Variants in GPC6 observed in about 807,000 individuals in gnomAD.
GPC6 encodes glypican 6.
GPC6 carries 14 observed loss-of-function variants against 55.2 expected under a neutral mutation model. That is an observed-to-expected ratio of 0.25 (90% confidence interval 0.17 to 0.40). The LOEUF (loss-of-function observed/expected upper bound fraction) is 0.40, where lower values mean the gene tolerates loss of function less well. GPC6 is among the 10% of genes least tolerant of loss of function. GPC6 has a pLI of 1.00. For missense variants in GPC6, 641 were observed against 708.5 expected (o/e 0.90, Z 1.08); for synonymous variants, 278 against 259.6 (o/e 1.07, Z -0.68).
intron 3 of GPC6, among the ~76,000 whole-genome samples, chr13:93,983,013 C>T (rs1880873854): frequency 6.6e-6 from 1 of 152,110 alleles, no homozygotes; most frequent in African/African-American, 2.4e-5. Context: ...CTAGTCTGGG[C>T]TGAGGCTGGA....
At position 93,695,750 on chromosome 13, in the gene GPC6, C is replaced by T. The variant is rs148059568; in HGVS notation, c.320-134404C>T. 3.0e-3 allele frequency among the ~76,000 whole-genome samples: 451 copies of T among 152,164 alleles called. 1 individual carries two copies. Among genetic ancestry groups the T allele is most frequent in the African/African-American group, 0.01 (426 of 41,556 alleles). On this transcript the variant is annotated intron_variant, in intron 2 of 8. Coordinates refer to ENST00000377047, the MANE Select transcript of GPC6 (RefSeq NM_005708.5). Reference sequence around the variant, plus strand: ...GGTAATCAACTCAAGCTTTTTCAAGCTATGTCAAAAATGATGAGCTCAAAG... The same window carrying T: ...GGTAATCAACTCAAGCTTTTTCAAGTTATGTCAAAAATGATGAGCTCAAAG...
intron 3 of GPC6, among the ~76,000 whole-genome samples, chr13:93,994,643 G>T (rs1175405786): frequency 6.6e-6 from 1 of 152,148 alleles, no homozygotes; most frequent in Non-Finnish European, 1.5e-5. Flanking sequence ...TGTTAGTGCT[G>T]TGACTGAAGA....
intron 3 of GPC6, among the ~76,000 whole-genome samples, chr13:93,945,065 T>G (rs1224281019): frequency 6.6e-6 from 1 of 152,132 alleles, no homozygotes; most frequent in Non-Finnish European, 1.5e-5. Flanking sequence ...GTGGGTTGAT[T>G]TTTTTTCCTA....
rs9888538 is a variant in GPC6, at chr13:94,082,651, C to T, written c.877+54757C>T. On this transcript the variant is annotated intron_variant, in intron 4 of 8. Transcript: ENST00000377047. ...TCAGTCAGCTCTCCCCTCTTCTGCCCTACTACATGCCTTTTCTCACATTTT... is the reference window on the plus strand; with the variant it reads ...TCAGTCAGCTCTCCCCTCTTCTGCCTTACTACATGCCTTTTCTCACATTTT... Among the ~76,000 whole-genome samples the T allele has an allele frequency of 8.3e-3, 1,256 of 152,232 alleles. 21 individuals are homozygous for T. Among genetic ancestry groups the T allele is most frequent in the African/African-American group, 0.028 (1,153 of 41,522 alleles).
At chr13:93,444,293 A>G (rs905064521) in intron 1 of GPC6, among the ~76,000 whole-genome samples, 2 of 150,032 alleles carry the variant, frequency 1.3e-5, no homozygotes, top group South Asian at 4.2e-4. Context: ...TTATTAAGAG[A>G]CAAGAAATTG....
intron 2 of GPC6, among the ~76,000 whole-genome samples, chr13:93,717,962 A>G (rs1594397263): frequency 6.6e-6 from 1 of 151,934 alleles, no homozygotes; most frequent in African/African-American, 2.4e-5. Flanking sequence ...ATGGCTGCAT[A>G]GTATTCCATG....
intron 2 of GPC6, among the ~76,000 whole-genome samples, chr13:93,652,303 CA>C (rs1002421012): frequency 4.6e-5 from 7 of 152,160 alleles, no homozygotes; most frequent in African/African-American, 1.7e-4. Context: ...CATGTTAATG[CA>C]TAGAACTCAA....
At chr13:93,435,505 T>A (rs1448198253) in intron 1 of GPC6, among the ~76,000 whole-genome samples, 1 of 152,130 alleles carries the variant, frequency 6.6e-6, no homozygotes, top group Non-Finnish European at 1.5e-5. Flanking sequence ...GTTTTGTTTG[T>A]AAAATCAGAT....
rs1373168792 is a variant in GPC6 at position 93,497,287 on chromosome 13, T to G, written c.161-47976T>G. On this transcript the variant is annotated intron_variant, in intron 1 of 8. Coordinates refer to ENST00000377047, the MANE Select transcript of GPC6 (RefSeq NM_005708.5). ...AGCTAAAGTAACACCACTTTCTTTATCATAAGGTGATGAGACTTGTCACCC... is the reference window on the plus strand; with the variant it reads ...AGCTAAAGTAACACCACTTTCTTTAGCATAAGGTGATGAGACTTGTCACCC... Among the ~76,000 whole-genome samples, 37 of 152,238 alleles carry G rather than the reference T, an allele frequency of 2.4e-4. 1 individual carries two copies. The highest frequency in any genetic ancestry group is 2.4e-3 in the Admixed American group (37 of 15,282).
At chr13:93,426,098 C>T (rs868492204) in intron 1 of GPC6, among the ~76,000 whole-genome samples, 2 of 152,148 alleles carry the variant, frequency 1.3e-5, no homozygotes, top group African/African-American at 4.8e-5. Context: ...ACATGTCTGT[C>T]TCCTAATAGG....
intron 4 of GPC6, among the ~76,000 whole-genome samples, chr13:94,209,284 C>G (rs992384047): frequency 6.6e-6 from 1 of 152,114 alleles, no homozygotes; most frequent in Non-Finnish European, 1.5e-5. Flanking sequence ...GTGGCTGCCT[C>G]TAGTACTTGG....
chr13:93,573,025 T>G (rs944119160), intron 2 of GPC6, among the ~76,000 whole-genome samples: 9 of 151,920 alleles, frequency 5.9e-5, no homozygotes, highest in African/African-American at 2.2e-4. Flanking sequence ...GGGGAAAAGG[T>G]TAGAGTATTT....
chr13:93,960,873 C>T (rs986324048), intron 3 of GPC6, among the ~76,000 whole-genome samples: 3 of 143,738 alleles, frequency 2.1e-5, no homozygotes, highest in Admixed American at 7.3e-5. Context: ...AGTGCAGTGG[C>T]GCAATCTCGA....
intron 4 of GPC6, among the ~76,000 whole-genome samples, chr13:94,037,956 T>C (rs568712695): frequency 1.3e-5 from 2 of 152,092 alleles, no homozygotes; most frequent in East Asian, 3.9e-4. Flanking sequence ...GCAACTCAAT[T>C]TTTCATTTTA....
chr13:94,361,546 T>C (rs1458567146), intron 6 of GPC6, among the ~76,000 whole-genome samples: 1 of 152,246 alleles, frequency 6.6e-6, no homozygotes, highest in Non-Finnish European at 1.5e-5. Flanking sequence ...TTGCCACTAA[T>C]TAATAATAAC....
At chr13:93,427,728 AC>A (rs1482029350) in intron 1 of GPC6, among the ~76,000 whole-genome samples, 4 of 152,058 alleles carry the variant, frequency 2.6e-5, no homozygotes. Context: ...TCATCTTTAA[AC>A]TTCCAGCCCC....
rs75034972 is a variant in GPC6, at chr13:94,057,812, G to A, written c.877+29918G>A. On this transcript the variant is annotated intron_variant, in intron 4 of 8. Transcript: ENST00000377047. ...GAGCACATGGTCTTAATCAAAAAAA[G>A]CCCAGCAGAAATTAAACAGGACAGC... Among the ~76,000 whole-genome samples the A allele has an allele frequency of 7.9e-5, 12 of 152,214 alleles. No individual in the cohort carries two copies. In the East Asian group the frequency reaches 2.1e-3, roughly 27 times the overall value.
At chr13:94,275,911 T>A (rs992089924) in intron 4 of GPC6, among the ~76,000 whole-genome samples, 1 of 152,066 alleles carries the variant, frequency 6.6e-6, no homozygotes. Flanking sequence ...TGGACAAAGA[T>A]CCAAACGTTT....
At chr13:93,639,840 T>A (rs1879839018) in intron 2 of GPC6, among the ~76,000 whole-genome samples, 1 of 152,266 alleles carries the variant, frequency 6.6e-6, no homozygotes, top group Middle Eastern at 3.4e-3. Context: ...AAAAATTTCA[T>A]CTTCATCTTT....
Sources: allele counts gnomAD v4.1 joint callset (sites outside exome capture counted in the v4.1 genomes callset), GRCh38; gene constraint gnomAD v4.1.1; transcripts MANE v1.5; gene names NCBI Gene and HGNC (gene_info 2026-07-23, HGNC 2026-07-21).